OR51M1: variants seen among roughly 807,000 people sequenced by gnomAD.
The protein encoded by OR51M1 is olfactory receptor family 51 subfamily M member 1, also known as olfactory receptor 51M1.
For synonymous variants in OR51M1, 199 were observed against 155.1 expected, an observed-to-expected ratio of 1.28 and a Z score of -2.10; for missense variants, 509 against 404.4, an observed-to-expected ratio of 1.26 and a Z score of -2.22.
At position 5,390,105 on chromosome 11, in the gene OR51M1, C is replaced by G. The variant is rs1012383834; in HGVS notation, c.707C>G (p.Thr236Arg). The change falls in exon 3 of 3, where the codon ACA (threonine) becomes AGA (arginine). Residue 236 changes from threonine (T) to arginine (R), a missense_variant. Physicochemically the swap from Thr to Arg is moderately conservative, Grantham distance 71. Transcript: ENST00000642046. ...IALSYGLILH[T>R]VAGLASQEEQ... ...CTGTCCTATGGACTCATCCTGCACA[C>G]AGTAGCAGGCCTGGCCTCCCAAGAG... 1 of 1,613,802 alleles carries G rather than the reference C, an allele frequency of 6.2e-7. No homozygotes were observed.
At position 5,385,140 on chromosome 11, in the gene OR51M1, T is replaced by A. The variant is rs1289198100; in HGVS notation, c.-121-213T>A. Among the ~76,000 whole-genome samples, 3 of 152,218 alleles carry A rather than the reference T, an allele frequency of 2.0e-5. 1 individual carries two copies. The highest frequency in any genetic ancestry group is 4.4e-5 in the Non-Finnish European group (3 of 68,032). ...CCTGTGATCTAAGATGAATCTACTC[T>A]GCCTTGAATATTTTAATTATGTTGT... On this transcript the variant is annotated intron_variant, in intron 1 of 2. Coordinates refer to ENST00000642046, the MANE Select transcript of OR51M1 (RefSeq NM_001004756.3).
At chr11:5,386,679 C>T (rs1287586113) in intron 2 of OR51M1, among the ~76,000 whole-genome samples, 2 of 151,716 alleles carry the variant, frequency 1.3e-5, no homozygotes, top group Admixed American at 6.6e-5. Context: ...AAGGAGGAGC[C>T]TGGCTTTGCA....
Position 5,390,551 on chromosome 11 carries a change from G to A in OR51M1, c.*172G>A. ...GGCTTTAAAAAACTGAACTTCTCTT[G>A]CTTAGATTTTAATGGCTCCTCCTAC... On this transcript the variant is annotated 3_prime_UTR_variant, in exon 3 of 3. Coordinates refer to ENST00000642046, the MANE Select transcript of OR51M1 (RefSeq NM_001004756.3). The A allele has an allele frequency of 1.7e-6, 1 of 598,372 alleles. No individual in the cohort carries two copies. Among genetic ancestry groups the A allele is most frequent in the Non-Finnish European group, 2.8e-6 (1 of 353,974 alleles). The allele number at this position is 598,372 out of a possible 1,614,324, so 37.1% of individuals were successfully genotyped here.
rs1034666342 is a variant in OR51M1 at position 5,384,722 on chromosome 11, T to C, written c.-121-631T>C. Reference sequence around the variant, plus strand: ...TCAACAAATTATTAAATGCATTTTATATGCTGGTCCAGTTAACATAGAAAA... The same window carrying C: ...TCAACAAATTATTAAATGCATTTTACATGCTGGTCCAGTTAACATAGAAAA... On this transcript the variant is annotated intron_variant, in intron 1 of 2. Transcript: ENST00000642046. Among the ~76,000 whole-genome samples the C allele has an allele frequency of 5.9e-5, 9 of 152,350 alleles. No homozygotes were observed. The East Asian group carries it at 1.7e-3, about 29-fold the overall frequency.
In OR51M1 at chr11:5,391,538, G is replaced by C. The variant is rs1849795347; in HGVS notation, c.*1159G>C. ...TCAATAAATATTAAATGTATGCGTG[G>C]ACATATAGATACATAAAGAGGGATC... On this transcript the variant is annotated 3_prime_UTR_variant, in exon 3 of 3. Coordinates refer to ENST00000642046, the MANE Select transcript of OR51M1 (RefSeq NM_001004756.3). The C allele has an allele frequency of 6.6e-6, 1 of 152,156 alleles. No homozygotes were observed. Among genetic ancestry groups the C allele is most frequent in the Non-Finnish European group, 1.5e-5 (1 of 68,044 alleles). The allele number at this position is 152,156 out of a possible 1,614,324, so 9.4% of individuals were successfully genotyped here.
At chr11:5,387,495 T>C (rs746396222) in intron 2 of OR51M1, among the ~76,000 whole-genome samples, 2 of 152,200 alleles carry the variant, frequency 1.3e-5, no homozygotes, top group African/African-American at 4.8e-5. Flanking sequence ...AAGCCTTATA[T>C]CCATGCAGCA....
intron 2 of OR51M1, among the ~76,000 whole-genome samples, chr11:5,388,202 T>C (rs1849731279): frequency 6.6e-6 from 1 of 152,102 alleles, no homozygotes; most frequent in South Asian, 2.1e-4. Flanking sequence ...TCCAATGATA[T>C]GGTGGCTAAA....
Position 5,392,946 on chromosome 11 carries a change from G to T in OR51M1, c.*2567G>T, listed in dbSNP as rs1478713989. The T allele has an allele frequency of 3.3e-5, 5 of 152,154 alleles. No homozygotes were observed. Among genetic ancestry groups the T allele is most frequent in the Non-Finnish European group, 7.4e-5 (5 of 68,020 alleles). The allele number at this position is 152,154 out of a possible 1,614,324, so 9.4% of individuals were successfully genotyped here. ...AAAAAAGAAAAATAAATAAATATCT[G>T]TGCTGTTAAGTATGTGGTAAAAGAG... On this transcript the variant is annotated 3_prime_UTR_variant, in exon 3 of 3. Coordinates refer to ENST00000642046, the MANE Select transcript of OR51M1 (RefSeq NM_001004756.3).
chr11:5,387,132 T>C (rs1214633137), intron 2 of OR51M1, among the ~76,000 whole-genome samples: 1 of 152,094 alleles, frequency 6.6e-6, no homozygotes, highest in African/African-American at 2.4e-5. Context: ...GACAGTAAAC[T>C]GAATAACATA....
At chr11:5,384,127 C>T (rs922736619) in intron 1 of OR51M1, among the ~76,000 whole-genome samples, 4 of 152,190 alleles carry the variant, frequency 2.6e-5, no homozygotes, top group African/African-American at 4.8e-5. Flanking sequence ...ATTCCCTGCA[C>T]TAAGCCTAAT....
In OR51M1 at chr11:5,392,356, C is replaced by A. The variant is rs1029426380; in HGVS notation, c.*1977C>A. The A allele has an allele frequency of 1.3e-5, 2 of 152,148 alleles. No homozygotes were observed. Among genetic ancestry groups the A allele is most frequent in the African/African-American group, 4.8e-5 (2 of 41,442 alleles). The allele number at this position is 152,148 out of a possible 1,614,324, so 9.4% of individuals were successfully genotyped here. The stretch of plus-strand genomic sequence containing the variant: ...GTTCCGAGACTTAGAATATTCTTCT[C>A]CATGTTGAGAGGAAATTCCTATTCT... On this transcript the variant is annotated 3_prime_UTR_variant, in exon 3 of 3. Coordinates refer to ENST00000642046, the MANE Select transcript of OR51M1 (RefSeq NM_001004756.3).
At chr11:5,388,110 T>C (rs1000705979) in intron 2 of OR51M1, among the ~76,000 whole-genome samples, 2 of 152,134 alleles carry the variant, frequency 1.3e-5, no homozygotes, top group Non-Finnish European at 1.5e-5. Flanking sequence ...ATTGAAATAA[T>C]TGAATATTGA....
Position 5,390,276 on chromosome 11 carries a change from T to A in OR51M1, c.878T>A (p.Leu293His). 1 of 1,613,934 alleles carries A rather than the reference T, an allele frequency of 6.2e-7. No homozygotes were observed. Among genetic ancestry groups the A allele is most frequent in the African/African-American group, 1.3e-5 (1 of 75,052 alleles). ...AIHLLMANVYLFVPPMLNPII... is the reference protein window; with the variant it reads ...AIHLLMANVYHFVPPMLNPII... ...CATCTTCTTATGGCCAATGTCTACC[T>A]TTTTGTGCCTCCCATGCTTAACCCA... The change falls in exon 3 of 3, where the codon CTT becomes CAT. Residue 293 changes from leucine to histidine, a missense_variant. Coordinates refer to ENST00000642046, the MANE Select transcript of OR51M1 (RefSeq NM_001004756.3).
At position 5,389,635 on chromosome 11, in the gene OR51M1, C is replaced by T; in HGVS notation, c.237C>T (p.Ala79=). 1.2e-6 allele frequency: 2 copies of T among 1,613,692 alleles called. No homozygotes were observed. The highest frequency in any genetic ancestry group is 1.7e-6 in the Non-Finnish European group (2 of 1,179,896). ...TGTACTATCTACTATCCTTGCTGGCCCTCACTGACCTGGGGCTGTGTGTGT... is the reference window on the plus strand; with the variant it reads ...TGTACTATCTACTATCCTTGCTGGCTCTCACTGACCTGGGGCTGTGTGTGT... ...TPMYYLLSLL[A]LTDLGLCVST... The change falls in exon 3 of 3, where the codon GCC becomes GCT. Residue 79 remains alanine, a synonymous_variant. Coordinates refer to ENST00000642046, the MANE Select transcript of OR51M1 (RefSeq NM_001004756.3).
intron 2 of OR51M1, among the ~76,000 whole-genome samples, chr11:5,387,583 G>A (rs926844113): frequency 5.9e-5 from 9 of 152,144 alleles, no homozygotes; most frequent in African/African-American, 1.7e-4. Flanking sequence ...CATACATGAC[G>A]TAGCATTTAG....
At position 5,390,596 on chromosome 11, in the gene OR51M1, T is replaced by G; in HGVS notation, c.*217T>G. On this transcript the variant is annotated 3_prime_UTR_variant, in exon 3 of 3. Coordinates refer to ENST00000642046, the MANE Select transcript of OR51M1 (RefSeq NM_001004756.3). ...TCCTACAGCTGAGAACTGGCATTTTTGGTAGCATCAAAGCTATCCAGAAGG... is the reference window on the plus strand; with the variant it reads ...TCCTACAGCTGAGAACTGGCATTTTGGGTAGCATCAAAGCTATCCAGAAGG... The G allele has an allele frequency of 2.0e-6, 1 of 511,020 alleles. No homozygotes were observed. Among genetic ancestry groups the G allele is most frequent in the Non-Finnish European group, 3.4e-6 (1 of 292,302 alleles). 31.7% of individuals were successfully genotyped at this position (511,020 alleles called of 1,614,324 possible).
chr11:5,389,799 G>T lies in OR51M1; in HGVS notation c.401G>T (p.Arg134Leu). Residue 134 changes from arginine to leucine, a missense_variant, in exon 3 of 3, where the codon CGC (arginine) becomes CTC (leucine). Arg to Leu is a moderately radical substitution (Grantham distance 102). Transcript: ENST00000642046. Reference sequence around the variant, plus strand: ...GTGCTCCTCATGATGTCCTTTGACCGCCTTGTGGCCATCTGCCACCCTCTG... The same window carrying T: ...GTGCTCCTCATGATGTCCTTTGACCTCCTTGTGGCCATCTGCCACCCTCTG... ...SSVLLMMSFD[R>L]LVAICHPLRY... 1 of 1,613,848 alleles carries T rather than the reference G, an allele frequency of 6.2e-7. No individual in the cohort carries two copies. The highest frequency in any genetic ancestry group is 8.5e-7 in the Non-Finnish European group (1 of 1,179,888).
In OR51M1 at chr11:5,389,508, A is replaced by G. The variant is rs372517005; in HGVS notation, c.110A>G (p.His37Arg). ...TTTCCTGGATTGGAAGGCATCAAAC[A>G]CTGGATTTTCATCCCCTTTTTCTTT... Reference protein sequence around the residue: ...TSFPGLEGIKHWIFIPFFFMY... With the variant: ...TSFPGLEGIKRWIFIPFFFMY... Residue 37 changes from histidine (H) to arginine (R), a missense_variant, in exon 3 of 3, where the codon CAC becomes CGC. Coordinates refer to ENST00000642046, the MANE Select transcript of OR51M1 (RefSeq NM_001004756.3). 58 of 1,613,844 alleles carry G rather than the reference A, an allele frequency of 3.6e-5. No homozygotes were observed. Among genetic ancestry groups the G allele is most frequent in the Non-Finnish European group, 4.9e-5 (58 of 1,179,890 alleles).
At position 5,389,722 on chromosome 11, in the gene OR51M1, G is replaced by C. The variant is rs185802644; in HGVS notation, c.324G>C (p.Ala108=). 4 of 1,613,774 alleles carry C rather than the reference G, an allele frequency of 2.5e-6. No individual in the cohort carries two copies. The highest frequency in any genetic ancestry group is 3.4e-6 in the Non-Finnish European group (4 of 1,179,900). The change falls in exon 3 of 3, where the codon GCG becomes GCC. Residue 108 remains alanine (A), a synonymous_variant. Coordinates refer to ENST00000642046, the MANE Select transcript of OR51M1 (RefSeq NM_001004756.3). ...ACTCCCATAGTATCTACTTTGGAGCGTGTCAAATCCAGATGTTCTGCATCC... is the reference window on the plus strand; with the variant it reads ...ACTCCCATAGTATCTACTTTGGAGCCTGTCAAATCCAGATGTTCTGCATCC... ...WFNSHSIYFG[A]CQIQMFCIHS...
Sources: allele counts gnomAD v4.1 joint callset (sites outside exome capture counted in the v4.1 genomes callset), GRCh38; gene constraint gnomAD v4.1.1; transcripts MANE v1.5; gene names NCBI Gene and HGNC (gene_info 2026-07-23, HGNC 2026-07-21).